The following MUSK variants were observed in gnomAD, a reference collection of about 807,000 sequenced individuals.
MUSK encodes muscle associated receptor tyrosine kinase.
A neutral mutation model predicts 88.7 loss-of-function variants in MUSK; 55 were observed. That is an observed-to-expected ratio of 0.62 (90% CI 0.50 to 0.78). MUSK has a LOEUF of 0.78. MUSK is among the 30% of genes least tolerant of loss of function. The probability of loss-of-function intolerance (pLI) is 0.00; values close to 1 mark genes in which losing one functional copy is unlikely to be tolerated. For missense variants in MUSK, 1,015 were observed against 1,074.3 expected, an observed-to-expected ratio of 0.94 and a Z score of 0.77; for synonymous variants, 387 against 391.9, an observed-to-expected ratio of 0.99 and a Z score of 0.15.
chr9:110,801,081 G>T lies in MUSK; in HGVS notation c.*93G>T, dbSNP rs948488700. 1.5e-5 allele frequency: 17 copies of T among 1,148,126 alleles called. No homozygotes were observed. The highest frequency in any genetic ancestry group is 4.7e-6 in the Non-Finnish European group (4 of 847,122). 71.1% of individuals were successfully genotyped at this position (1,148,126 alleles called of 1,614,324 possible). On this transcript the variant is annotated 3_prime_UTR_variant, in exon 15 of 15. Coordinates refer to ENST00000374448, the MANE Select transcript of MUSK (RefSeq NM_005592.4). ...CCAGAGGCCCAACAAGACCCACATA[G>T]GAAAGAGTAAGAGTAAACATGAGTA...
intron 2 of MUSK, among the ~76,000 whole-genome samples, chr9:110,684,430 G>GT (rs1387893367): frequency 2.0e-5 from 3 of 151,688 alleles, no homozygotes; most frequent in Non-Finnish European, 2.9e-5. Context: ...GATTCCTCCA[G>GT]TTTTTTTCTT....
rs897456049 is a variant in MUSK at position 110,800,299 on chromosome 9, G to A, written c.1928-7G>A. 2 of 1,598,208 alleles carry A rather than the reference G, an allele frequency of 1.3e-6. No individual in the cohort carries two copies. The highest frequency in any genetic ancestry group is 1.3e-5 in the African/African-American group (1 of 74,576). ...TGAGACTAACAGGGATGGTCTTTTG[G>A]TTCCAGGAGTGTGTGCTGTCGGGAA... On this transcript the variant is annotated splice_polypyrimidine_tract_variant and splice_region_variant and intron_variant, in intron 14 of 14. Coordinates refer to ENST00000374448, the MANE Select transcript of MUSK (RefSeq NM_005592.4).
chr9:110,683,730 T>C (rs1463368970), intron 2 of MUSK, among the ~76,000 whole-genome samples: 1 of 152,174 alleles, frequency 6.6e-6, no homozygotes, highest in Non-Finnish European at 1.5e-5. Flanking sequence ...TCTCTGATGA[T>C]CAGTGATGTT....
At chr9:110,690,445 T>TATACATAAATATATATATTTAA (rs2076328504) in intron 3 of MUSK, among the ~76,000 whole-genome samples, 1 of 48,640 alleles carries the variant, frequency 2.1e-5, no homozygotes, top group African/African-American at 1.4e-4. Context: ...AATATAAGTA[T>TATACATAAATATATATATTTAA]ATATAAATAT....
chr9:110,692,942 T>C (rs1186249020), intron 3 of MUSK, among the ~76,000 whole-genome samples: 1 of 152,160 alleles, frequency 6.6e-6, no homozygotes, highest in African/African-American at 2.4e-5. Flanking sequence ...TCATAATAAA[T>C]ATACATGGAG....
At chr9:110,739,266 T>C (rs147321266) in intron 6 of MUSK, among the ~76,000 whole-genome samples, 99 of 152,262 alleles carry the variant, frequency 6.5e-4, no homozygotes, top group African/African-American at 2.1e-3. Flanking sequence ...TAGATTAAAA[T>C]CATCAAAGAG....
Position 110,709,321 on chromosome 9 carries a change from G to T in MUSK, c.628+11855G>T, listed in dbSNP as rs141111752. On this transcript the variant is annotated intron_variant, in intron 5 of 14. Coordinates refer to ENST00000374448, the MANE Select transcript of MUSK (RefSeq NM_005592.4). ...ATTTTTGGAGAGGACTTAATATAGT[G>T]GTTAATAACATGGGTGGTAGGATCT... 2.1e-3 allele frequency among the ~76,000 whole-genome samples: 321 copies of T among 152,236 alleles called. 1 individual carries two copies. Among genetic ancestry groups the T allele is most frequent in the African/African-American group, 7.5e-3 (311 of 41,532 alleles).
intron 13 of MUSK, 127 bp from the exon 14 acceptor site, chr9:110,787,563 A>G (rs1301691962): frequency 5.0e-6 from 4 of 806,400 alleles, no homozygotes; most frequent in Non-Finnish European, 7.3e-6. Flanking sequence ...TGGCTCTGGG[A>G]AAGGCTGCGT....
At chr9:110,774,681 C>T (rs2077637896) in intron 9 of MUSK, among the ~76,000 whole-genome samples, 1 of 152,180 alleles carries the variant, frequency 6.6e-6, no homozygotes, top group Admixed American at 6.5e-5. Context: ...ATACTCCCTT[C>T]TCCCTTACGC....
intron 5 of MUSK, among the ~76,000 whole-genome samples, chr9:110,712,498 G>T (rs1480488747): frequency 2.0e-5 from 3 of 152,162 alleles, no homozygotes; most frequent in Non-Finnish European, 4.4e-5. Flanking sequence ...TCAAATGCCA[G>T]TGCACATCAG....
chr9:110,753,457 AAAAGAG>A (rs1385172841), intron 7 of MUSK, among the ~76,000 whole-genome samples: 3 of 149,912 alleles, frequency 2.0e-5, no homozygotes, highest in African/African-American at 7.4e-5. Context: ...AAAAAAAAAA[AAAAGAG>A]AGAGAGAGAG....
chr9:110,739,296 A>G (rs993252834), intron 6 of MUSK, among the ~76,000 whole-genome samples: 1 of 152,170 alleles, frequency 6.6e-6, no homozygotes, highest in Non-Finnish European at 1.5e-5. Flanking sequence ...TTCCTCTTCT[A>G]GTGAAGTTGC....
In MUSK at chr9:110,801,068, CA is replaced by C; in HGVS notation, c.*82del. ...GGGGAATCCTACACCAGAGGCCCAA[CA>C]AGACCCACATAGGAAAGAGTAAGAG... On this transcript the variant is annotated 3_prime_UTR_variant, in exon 15 of 15. Transcript: ENST00000374448. The C allele has an allele frequency of 8.1e-7, 1 of 1,227,016 alleles. No homozygotes were observed. 76.0% of individuals were successfully genotyped at this position (1,227,016 alleles called of 1,614,324 possible). A position where few individuals can be genotyped will look rare whatever the true frequency, so the allele number is the denominator to read the frequency against.
In MUSK at chr9:110,668,862, G is replaced by C. The variant is rs116884176; in HGVS notation, c.-43G>C. Reference sequence around the variant, plus strand: ...TAAACTGTGGAGCCATTTTCCTTGCGTTGTCCAGAAGGAACTTCGTCCTGC... The same window carrying C: ...TAAACTGTGGAGCCATTTTCCTTGCCTTGTCCAGAAGGAACTTCGTCCTGC... On this transcript the variant is annotated 5_prime_UTR_variant, in exon 1 of 15. Coordinates refer to ENST00000374448, the MANE Select transcript of MUSK (RefSeq NM_005592.4). The C allele has an allele frequency of 6.6e-7, 1 of 1,510,240 alleles. No homozygotes were observed. The highest frequency in any genetic ancestry group is 1.1e-5 in the South Asian group (1 of 88,672). The allele number at this position is 1,510,240 out of a possible 1,614,324, so 93.6% of individuals were successfully genotyped here. A position where few individuals can be genotyped will look rare whatever the true frequency, so the allele number is the denominator to read the frequency against.
At chr9:110,790,365 A>T (rs1186133390) in intron 14 of MUSK, among the ~76,000 whole-genome samples, 1 of 152,230 alleles carries the variant, frequency 6.6e-6, no homozygotes, top group Non-Finnish European at 1.5e-5. Flanking sequence ...ACCAAGGAAC[A>T]TGGATAGAGC....
At chr9:110,713,665 A>G (rs2131779326) in intron 5 of MUSK, among the ~76,000 whole-genome samples, 1 of 152,288 alleles carries the variant, frequency 6.6e-6, no homozygotes, top group Middle Eastern at 3.4e-3. Flanking sequence ...AATTCCATCT[A>G]AAAGGTTACA....
intron 8 of MUSK, among the ~76,000 whole-genome samples, chr9:110,763,524 A>C (rs1237929560): frequency 6.6e-6 from 1 of 152,232 alleles, no homozygotes; most frequent in Non-Finnish European, 1.5e-5. Context: ...TAAATTATAT[A>C]CAAAGACACT....
At chr9:110,725,931 G>A (rs1033907663) in intron 5 of MUSK, among the ~76,000 whole-genome samples, 3 of 151,958 alleles carry the variant, frequency 2.0e-5, no homozygotes, top group Non-Finnish European at 2.9e-5. Flanking sequence ...TAGGCTAGGC[G>A]AGCAGGATAT....
At chr9:110,707,700 A>C (rs954753119) in intron 5 of MUSK, among the ~76,000 whole-genome samples, 1 of 152,226 alleles carries the variant, frequency 6.6e-6, no homozygotes. Context: ...CAAAACTGCA[A>C]ATAAGAGCCA....
Sources: allele counts gnomAD v4.1 joint callset (sites outside exome capture counted in the v4.1 genomes callset), GRCh38; gene constraint gnomAD v4.1.1; transcripts MANE v1.5; gene names NCBI Gene and HGNC (gene_info 2026-07-23, HGNC 2026-07-21).